Variants in GLT8D2 observed in about 807,000 individuals in gnomAD.
GLT8D2 encodes glycosyltransferase 8 domain containing 2, also known as glycosyltransferase 8 domain-containing protein 2.
In GLT8D2, 45 loss-of-function variants were observed where a neutral mutation model predicts 44.5. The observed-to-expected ratio is 1.01, with a 90% CI of 0.80 to 1.30. The LOEUF (loss-of-function observed/expected upper bound fraction) is 1.30, where lower values mean the gene tolerates loss of function less well. Ranked by LOEUF, GLT8D2 falls within the 50% of genes most tolerant of loss-of-function variation. The pLI is 0.00. For missense variants in GLT8D2, 400 were observed against 430.4 expected (o/e 0.93, Z 0.62); for synonymous variants, 156 against 157.2 (o/e 0.99, Z 0.06).
upstream of GLT8D2, among the ~76,000 whole-genome samples, chr12:104,051,139 G>T (rs1405943418): frequency 2.0e-5 from 3 of 148,608 alleles, no homozygotes; most frequent in African/African-American, 7.5e-5. Context: ...TTTTTTTAAA[G>T]AGACAGGGTC....
chr12:104,042,135 G>C (rs1026920512), intron 1 of GLT8D2, among the ~76,000 whole-genome samples: 1 of 152,150 alleles, frequency 6.6e-6, no homozygotes, highest in Non-Finnish European at 1.5e-5. Context: ...TCCAAATAAA[G>C]ATTTTACCAG....
chr12:104,034,488 A>T (rs184781200), intron 1 of GLT8D2, among the ~76,000 whole-genome samples: 115 of 152,382 alleles, frequency 7.5e-4, no homozygotes, highest in African/African-American at 2.6e-3. Context: ...AGGAGATTAC[A>T]TCCTGTGCAT....
chr12:104,016,664 A>AAG (rs1158869447), intron 3 of GLT8D2, among the ~76,000 whole-genome samples: 2 of 128,364 alleles, frequency 1.6e-5, no homozygotes, highest in South Asian at 2.8e-4. Context: ...GAAAGAAAGA[A>AAG]AGAGAGAGAG....
At chr12:104,007,071 ATAAT>A (rs1177162070) in intron 4 of GLT8D2, among the ~76,000 whole-genome samples, 1 of 152,216 alleles carries the variant, frequency 6.6e-6, no homozygotes, top group Non-Finnish European at 1.5e-5. Context: ...CACAAGATAA[ATAAT>A]TAATTATTCT....
At chr12:104,010,004 A>T (rs1294314679) in intron 4 of GLT8D2, among the ~76,000 whole-genome samples, 1 of 106,332 alleles carries the variant, frequency 9.4e-6, no homozygotes. Flanking sequence ...ACAAACCATG[A>T]ATTATTTTTA....
intron 7 of GLT8D2, 38 bp from the exon 8 acceptor site, chr12:103,996,885 A>T (rs755743531): frequency 2.7e-6 from 4 of 1,468,086 alleles, no homozygotes; most frequent in Non-Finnish European, 3.8e-6. Context: ...ACATTATAGC[A>T]TTTGTTTTTG....
At chr12:104,061,303 G>A (rs749539899) in intron 1 of GLT8D2, among the ~76,000 whole-genome samples, 14 of 152,042 alleles carry the variant, frequency 9.2e-5, no homozygotes, top group Non-Finnish European at 2.1e-4. Flanking sequence ...CTAGTTCAAG[G>A]GTACTTGGGC....
chr12:104,035,578 G>A (rs972274848), intron 1 of GLT8D2, among the ~76,000 whole-genome samples: 4 of 152,088 alleles, frequency 2.6e-5, no homozygotes, highest in African/African-American at 9.7e-5. Flanking sequence ...AGCAATTGGA[G>A]ATCAAATTAA....
Position 104,015,081 on chromosome 12 carries a change from A to T in GLT8D2, c.44T>A (p.Leu15Gln), listed in dbSNP as rs1876379679. ...CAGAATCACACAGAGGGTCACGATC[A>T]GAAGGAACAGCAGCACCTGATTAAC... ...RKINQVLLFL[L>Q]IVTLCVILYK... Residue 15 changes from leucine to glutamine, a missense_variant, in exon 4 of 11, where the codon CTG becomes CAG. Leu to Gln is a moderately radical substitution (Grantham distance 113, BLOSUM62 -2). Coordinates refer to ENST00000360814, the MANE Select transcript of GLT8D2 (RefSeq NM_001384711.1). 6.2e-7 allele frequency: 1 copy of T among 1,613,718 alleles called. No homozygotes were observed. Among genetic ancestry groups the T allele is most frequent in the African/African-American group, 1.3e-5 (1 of 74,936 alleles).
chr12:104,038,829 A>G (rs1880218838), intron 1 of GLT8D2, among the ~76,000 whole-genome samples: 1 of 152,190 alleles, frequency 6.6e-6, no homozygotes, highest in South Asian at 2.1e-4. Flanking sequence ...AAGAGCCCAC[A>G]TCGCCAAGAC....
At chr12:104,060,677 C>T (rs1882571105) in intron 1 of GLT8D2, among the ~76,000 whole-genome samples, 1 of 152,096 alleles carries the variant, frequency 6.6e-6, no homozygotes, top group Non-Finnish European at 1.5e-5. Context: ...AATCCCAGCA[C>T]TTTGGGAGGC....
intron 1 of GLT8D2, among the ~76,000 whole-genome samples, chr12:104,060,316 T>A (rs1481338772): frequency 6.6e-6 from 1 of 152,214 alleles, no homozygotes; most frequent in Non-Finnish European, 1.5e-5. Context: ...ACTCTCCTCC[T>A]AGGTTGTTGT....
intron 1 of GLT8D2, among the ~76,000 whole-genome samples, chr12:104,022,055 AGG>A (rs3037217): frequency 4.0e-5 from 5 of 125,590 alleles, no homozygotes; most frequent in Admixed American, 7.5e-5. Context: ...AAGAAGAAGA[AGG>A]GAAAGAAAGA....
intron 1 of GLT8D2, among the ~76,000 whole-genome samples, chr12:104,045,942 A>AT (rs1566213340): frequency 9.0e-5 from 13 of 144,616 alleles, no homozygotes; most frequent in East Asian, 2.1e-4. Context: ...AAAGAAAAAG[A>AT]AAGAAAGAAA....
intron 1 of GLT8D2, among the ~76,000 whole-genome samples, chr12:104,036,126 C>T (rs1879903198): frequency 6.6e-6 from 1 of 152,134 alleles, no homozygotes; most frequent in Non-Finnish European, 1.5e-5. Context: ...ATTTTGTCAC[C>T]ACCAGGCTTG....
chr12:103,998,446 G>C (rs1593530314), intron 6 of GLT8D2, among the ~76,000 whole-genome samples: 1 of 151,858 alleles, frequency 6.6e-6, no homozygotes, highest in East Asian at 1.9e-4. Flanking sequence ...GTCTCACTCT[G>C]TTGCCTAGGC....
At chr12:104,052,008 T>G (rs914130907), upstream of GLT8D2, among the ~76,000 whole-genome samples, 6 of 146,256 alleles carry the variant, frequency 4.1e-5, no homozygotes, top group South Asian at 1.3e-3. Context: ...AATAAAAAAA[T>G]AGAAAAAAAC....
At chr12:104,053,318 T>C (rs1481238391), upstream of GLT8D2, among the ~76,000 whole-genome samples, 1 of 152,242 alleles carries the variant, frequency 6.6e-6, no homozygotes, top group Non-Finnish European at 1.5e-5. Flanking sequence ...AAGGATGCGA[T>C]AGGCTTGTTA....
chr12:104,030,374 AT>A (rs1472081606), intron 1 of GLT8D2, among the ~76,000 whole-genome samples: 2 of 151,924 alleles, frequency 1.3e-5, no homozygotes, highest in East Asian at 1.9e-4. Context: ...GTAATTATTC[AT>A]TTTTATTATT....
Sources: gnomAD v4.1 joint callset for allele counts (sites outside exome capture counted in the v4.1 genomes callset) on GRCh38, gnomAD v4.1.1 for gene constraint, MANE v1.5 for transcripts, NCBI Gene and HGNC (gene_info 2026-07-23, HGNC 2026-07-21) for gene names.